The following CRPPA variants were observed in gnomAD, a reference collection of about 807,000 sequenced individuals.
The protein encoded by CRPPA is D-ribitol-5-phosphate cytidylyltransferase.
In CRPPA, 43 loss-of-function variants were observed where a neutral mutation model predicts 52.0. That is an observed-to-expected ratio of 0.83 (90% CI 0.65 to 1.07). CRPPA has a LOEUF of 1.07. Among genes scored for constraint, CRPPA ranks in the 50% least tolerant of loss-of-function variants. CRPPA has a pLI of 0.00. For missense variants in CRPPA, 629 were observed against 551.7 expected (o/e 1.14, Z -1.40); for synonymous variants, 250 against 203.5 (o/e 1.23, Z -1.94).
At chr7:16,280,694 CA>C (rs1562605171) in intron 5 of CRPPA, among the ~76,000 whole-genome samples, 1 of 152,124 alleles carries the variant, frequency 6.6e-6, no homozygotes, top group African/African-American at 2.4e-5. Context: ...TACCAACTTA[CA>C]AAAATGAAAT....
chr7:16,250,108 G>A (rs934787085), intron 8 of CRPPA, among the ~76,000 whole-genome samples: 1 of 152,136 alleles, frequency 6.6e-6, no homozygotes. Flanking sequence ...CAGCTGAATC[G>A]ATCAGGCAGA....
chr7:16,177,290 A>G (rs923725899), intron 9 of CRPPA, among the ~76,000 whole-genome samples: 1 of 152,126 alleles, frequency 6.6e-6, no homozygotes, highest in Non-Finnish European at 1.5e-5. Context: ...GTAGATTATT[A>G]TATGTGAGTT....
chr7:16,418,347 T>C (rs542566313), intron 1 of CRPPA, among the ~76,000 whole-genome samples: 27 of 152,348 alleles, frequency 1.8e-4, no homozygotes, highest in African/African-American at 6.5e-4. Flanking sequence ...TGTTATCAGT[T>C]AAGTAAAAGT....
At chr7:16,154,291 G>A (rs961171747) in intron 9 of CRPPA, among the ~76,000 whole-genome samples, 1 of 151,950 alleles carries the variant, frequency 6.6e-6, no homozygotes, top group Non-Finnish European at 1.5e-5. Context: ...AGAGGTATAC[G>A]TGTGCCACGG....
chr7:16,169,700 C>G (rs1343410505), intron 9 of CRPPA, among the ~76,000 whole-genome samples: 1 of 152,210 alleles, frequency 6.6e-6, no homozygotes, highest in African/African-American at 2.4e-5. Context: ...TTGTGCTATG[C>G]TGTATCACCA....
At chr7:16,180,260 A>G (rs1055178362) in intron 9 of CRPPA, among the ~76,000 whole-genome samples, 11 of 152,096 alleles carry the variant, frequency 7.2e-5, no homozygotes, top group African/African-American at 2.7e-4. Context: ...GTATTTGTTA[A>G]AAGCCCTTTT....
At chr7:16,253,861 A>T (rs1562587745) in intron 8 of CRPPA, among the ~76,000 whole-genome samples, 1 of 152,126 alleles carries the variant, frequency 6.6e-6, no homozygotes, top group Non-Finnish European at 1.5e-5. Flanking sequence ...TAATATCCGG[A>T]CTCTACCAAG....
intron 3 of CRPPA, among the ~76,000 whole-genome samples, chr7:16,358,616 T>C (rs902300255): frequency 6.6e-6 from 1 of 152,208 alleles, no homozygotes; most frequent in South Asian, 2.1e-4. Context: ...CCTTGAGTGA[T>C]GACTTGACAC....
At chr7:16,396,935 AAAC>A (rs1158104200) in intron 2 of CRPPA, among the ~76,000 whole-genome samples, 6 of 152,252 alleles carry the variant, frequency 3.9e-5, no homozygotes, top group Admixed American at 1.3e-4. Context: ...TGTAATGAAA[AAAC>A]AACTGTGACA....
At chr7:16,224,941 ATAG>A (rs950058758) in intron 8 of CRPPA, among the ~76,000 whole-genome samples, 10 of 152,156 alleles carry the variant, frequency 6.6e-5, no homozygotes, top group African/African-American at 2.4e-4. Context: ...ATTCTGATGA[ATAG>A]AAACTAAATT....
intron 9 of CRPPA, among the ~76,000 whole-genome samples, chr7:16,103,822 C>A (rs540416601): frequency 1.9e-4 from 29 of 152,268 alleles, no homozygotes; most frequent in African/African-American, 6.7e-4. Flanking sequence ...CCTAGAGTTA[C>A]TTCTCTAGTT....
chr7:16,360,335 A>C (rs931374856), intron 3 of CRPPA, among the ~76,000 whole-genome samples: 1 of 152,182 alleles, frequency 6.6e-6, no homozygotes, highest in Non-Finnish European at 1.5e-5. Context: ...ATGCTAGATA[A>C]TAAGACAAAA....
intron 2 of CRPPA, among the ~76,000 whole-genome samples, chr7:16,386,529 T>C (rs1288394240): frequency 2.0e-5 from 3 of 152,182 alleles, no homozygotes; most frequent in African/African-American, 4.8e-5. Context: ...ATAAATTATA[T>C]TGAACAATAG....
chr7:16,120,639 C>T (rs914700587), intron 9 of CRPPA, among the ~76,000 whole-genome samples: 3 of 152,118 alleles, frequency 2.0e-5, no homozygotes, highest in Non-Finnish European at 4.4e-5. Context: ...TAAATCTCTA[C>T]TTTTCCTTGC....
intron 9 of CRPPA, among the ~76,000 whole-genome samples, chr7:16,167,625 G>A (rs953249637): frequency 6.6e-6 from 1 of 152,102 alleles, no homozygotes; most frequent in African/African-American, 2.4e-5. Flanking sequence ...CTGCTTATCA[G>A]CTGTCTTATT....
At chr7:16,209,923 C>G (rs867240083) in intron 9 of CRPPA, among the ~76,000 whole-genome samples, 2 of 152,138 alleles carry the variant, frequency 1.3e-5, no homozygotes, top group South Asian at 2.1e-4. Context: ...ATGCCCATTT[C>G]AATATTACAT....
intron 2 of CRPPA, among the ~76,000 whole-genome samples, chr7:16,387,052 TA>T (rs1787291485): frequency 3.2e-5 from 1 of 31,572 alleles, no homozygotes; most frequent in Admixed American, 2.9e-4. Flanking sequence ...AAGATATATA[TA>T]TATATATATA....
chr7:16,171,173 G>C (rs59002603), intron 9 of CRPPA, among the ~76,000 whole-genome samples: 1 of 152,194 alleles, frequency 6.6e-6, no homozygotes, highest in Non-Finnish European at 1.5e-5. Context: ...TTGGCAGAAA[G>C]ACATTATTTT....
chr7:16,397,645 CAT>C (rs1387707975), intron 2 of CRPPA, among the ~76,000 whole-genome samples: 35 of 152,036 alleles, frequency 2.3e-4, no homozygotes, highest in Admixed American at 3.3e-4. Context: ...ACACGTGACA[CAT>C]GACTGACATG....
Sources: gnomAD v4.1 joint callset for allele counts (sites outside exome capture counted in the v4.1 genomes callset) on GRCh38, gnomAD v4.1.1 for gene constraint, MANE v1.5 for transcripts, NCBI Gene and HGNC (gene_info 2026-07-23, HGNC 2026-07-21) for gene names.